Variants in KIAA2012 observed in about 807,000 individuals in gnomAD.
The protein encoded by KIAA2012 is uncharacterized protein KIAA2012.
KIAA2012 carries 125 observed loss-of-function variants against 150.6 expected under a neutral mutation model. That is an observed-to-expected ratio of 0.83 (90% CI 0.72 to 0.96). The LOEUF is 0.96. Ranked by LOEUF, KIAA2012 falls within the 40% of genes least tolerant of loss-of-function variation. KIAA2012 has a pLI of 0.00. For missense variants in KIAA2012, 1,219 were observed against 1,354.9 expected, an observed-to-expected ratio of 0.90 and a Z score of 1.57; for synonymous variants, 462 against 504.7, an observed-to-expected ratio of 0.92 and a Z score of 1.13.
chr2:202,142,348 A>G (rs1462579914), intron 13 of KIAA2012, among the ~76,000 whole-genome samples: 2 of 152,258 alleles, frequency 1.3e-5, no homozygotes, highest in Admixed American at 1.3e-4. Flanking sequence ...TTGATTATGT[A>G]TTTCTGACTT....
intron 15 of KIAA2012, among the ~76,000 whole-genome samples, chr2:202,166,969 G>A (rs1435669408): frequency 2.6e-5 from 4 of 152,010 alleles, no homozygotes; most frequent in African/African-American, 9.7e-5. Context: ...TCAGGAGATC[G>A]AGACCATCCT....
At chr2:202,189,616 C>T (rs1692291462) in intron 18 of KIAA2012, among the ~76,000 whole-genome samples, 1 of 151,940 alleles carries the variant, frequency 6.6e-6, no homozygotes, top group Non-Finnish European at 1.5e-5. Flanking sequence ...AATAGCAAGA[C>T]TGCTGAATGT....
intron 15 of KIAA2012, among the ~76,000 whole-genome samples, chr2:202,165,576 C>T (rs1393558352): frequency 3.9e-5 from 6 of 152,170 alleles, no homozygotes; most frequent in Non-Finnish European, 7.3e-5. Flanking sequence ...ACAAAATTAG[C>T]TGGGCGCAGT....
chr2:202,183,413 C>G (rs1298288943), intron 15 of KIAA2012, among the ~76,000 whole-genome samples: 2 of 119,690 alleles, frequency 1.7e-5, no homozygotes, highest in East Asian at 4.7e-4. Flanking sequence ...GAGCAAGGCT[C>G]TGTCTCAAAA....
At chr2:202,146,525 G>A (rs543920202) in intron 13 of KIAA2012, among the ~76,000 whole-genome samples, 17 of 151,656 alleles carry the variant, frequency 1.1e-4, no homozygotes, top group Non-Finnish European at 2.4e-4. Context: ...CCAGATACTC[G>A]GGAGCCTGAG....
At chr2:202,101,301 C>T (rs1189907036) in intron 7 of KIAA2012, among the ~76,000 whole-genome samples, 1 of 152,210 alleles carries the variant, frequency 6.6e-6, no homozygotes, top group Non-Finnish European at 1.5e-5. Flanking sequence ...AGGTTGTTTA[C>T]AGTCTGTTCA....
At chr2:202,106,896 A>G (rs1033384745) in intron 9 of KIAA2012, among the ~76,000 whole-genome samples, 1 of 152,180 alleles carries the variant, frequency 6.6e-6, no homozygotes, top group Admixed American at 6.5e-5. Context: ...GGCACGTGCA[A>G]GATGACAGTA....
intron 13 of KIAA2012, among the ~76,000 whole-genome samples, chr2:202,152,009 C>T (rs1349528004): frequency 6.6e-6 from 1 of 152,182 alleles, no homozygotes; most frequent in Non-Finnish European, 1.5e-5. Flanking sequence ...AGGCAATCCT[C>T]CTGCCTCAGC....
chr2:202,091,006 C>A, intron 3 of KIAA2012, 77 bp downstream of exon 3: 1 of 1,449,332 alleles, frequency 6.9e-7, no homozygotes, highest in South Asian at 1.4e-5. Flanking sequence ...TGTTTTCCAT[C>A]AAGACCTGAA....
At chr2:202,193,248 C>T in intron 19 of KIAA2012, 53 bp from the exon 20 acceptor site, 1 of 1,507,564 alleles carries the variant, frequency 6.6e-7, no homozygotes, top group East Asian at 2.5e-5. Context: ...GAAGGGCTCA[C>T]TGCTGAGACA....
intron 2 of KIAA2012, among the ~76,000 whole-genome samples, chr2:202,082,537 A>C (rs1327643798): frequency 6.6e-6 from 1 of 152,058 alleles, no homozygotes; most frequent in Non-Finnish European, 1.5e-5. Flanking sequence ...CAGAGTTTGC[A>C]GTGAGCCAAG....
chr2:202,114,844 T>C (rs1185706699), intron 11 of KIAA2012: 4 of 165,956 alleles, frequency 2.4e-5, no homozygotes, highest in Non-Finnish European at 5.9e-5. Context: ...AGATGGTATA[T>C]TTAATCCTAC....
intron 14 of KIAA2012, among the ~76,000 whole-genome samples, chr2:202,165,027 A>G (rs1352176468): frequency 6.6e-6 from 1 of 151,544 alleles, no homozygotes; most frequent in African/African-American, 2.4e-5. Flanking sequence ...GTTTTAAGCA[A>G]TTTTCCCATC....
rs1482705507 is a variant in KIAA2012 at position 202,105,615 on chromosome 2, C to T, written c.1325-146C>T. The stretch of plus-strand genomic sequence containing the variant: ...GTACTCTCATGCCAGGCTTCAGTTC[C>T]ATAGCCCTCTCTGGAATCAGCAAAT... On this transcript the variant is annotated intron_variant, in intron 8 of 23. Coordinates refer to ENST00000498697, the MANE Select transcript of KIAA2012 (RefSeq NM_001277372.4). 4 of 1,131,864 alleles carry T rather than the reference C, an allele frequency of 3.5e-6. No individual in the cohort carries two copies. The African/African-American group carries it at 4.7e-5, about 13-fold the overall frequency. The allele number at this position is 1,131,864 out of a possible 1,614,324, so 70.1% of individuals were successfully genotyped here.
chr2:202,180,019 C>G (rs57426582), intron 15 of KIAA2012: 1 of 491,164 alleles, frequency 2.0e-6, no homozygotes, highest in African/African-American at 2.0e-5. Context: ...TGCCTGTAAT[C>G]TCAGCACTTT....
At chr2:202,126,853 T>G (rs1051734124) in intron 12 of KIAA2012, among the ~76,000 whole-genome samples, 10 of 152,186 alleles carry the variant, frequency 6.6e-5, no homozygotes, top group Admixed American at 2.6e-4. Context: ...AAGTTAGGAT[T>G]TGAACCCAAG....
chr2:202,184,712 C>G (rs1291771056), intron 15 of KIAA2012, 41 bp from the exon 16 acceptor site: 2 of 1,389,152 alleles, frequency 1.4e-6, no homozygotes, highest in Non-Finnish European at 1.9e-6. Context: ...CCTAGGATAA[C>G]TGCCTGTTGT....
intron 2 of KIAA2012, among the ~76,000 whole-genome samples, chr2:202,088,784 A>T (rs1391892241): frequency 1.3e-5 from 2 of 152,202 alleles, no homozygotes; most frequent in African/African-American, 4.8e-5. Context: ...TCATTTCCCC[A>T]CAATATCGAG....
intron 12 of KIAA2012, chr2:202,138,186 C>A: frequency 3.5e-6 from 1 of 289,432 alleles, no homozygotes; most frequent in Admixed American, 4.9e-5. Flanking sequence ...AAAGAGCAAC[C>A]AAAACAAGAA....
Sources: allele counts gnomAD v4.1 joint callset (sites outside exome capture counted in the v4.1 genomes callset), GRCh38; gene constraint gnomAD v4.1.1; transcripts MANE v1.5; gene names NCBI Gene and HGNC (gene_info 2026-07-23, HGNC 2026-07-21).